SYNGR4: variants seen among roughly 807,000 people sequenced by gnomAD.
The protein encoded by SYNGR4 is synaptogyrin-4.
Under a neutral mutation model 15.5 loss-of-function variants are expected in SYNGR4, and 15 were observed. The observed-to-expected ratio is 0.97, with a 90% CI of 0.65 to 1.49. The LOEUF (loss-of-function observed/expected upper bound fraction) is 1.49. Ranked by LOEUF, SYNGR4 falls within the 40% of genes most tolerant of loss-of-function variation. SYNGR4 has a pLI of 0.00. For synonymous variants in SYNGR4, 121 were observed against 127.4 expected (o/e 0.95, Z 0.34); for missense variants, 292 against 299.3 (o/e 0.98, Z 0.18).
intron 2 of SYNGR4, among the ~76,000 whole-genome samples, chr19:48,372,516 G>A (rs1406828560): frequency 6.6e-6 from 1 of 152,008 alleles, no homozygotes; most frequent in Non-Finnish European, 1.5e-5. Context: ...CAGGCATGGT[G>A]GCGGGTGCCT....
rs192704800 is a variant in SYNGR4, at chr19:48,365,363, A to C, written c.-107-373A>C. Among the ~76,000 whole-genome samples the C allele has an allele frequency of 1.8e-3, 105 of 59,986 alleles. 2 individuals are homozygous for C. Among genetic ancestry groups the C allele is most frequent in the African/African-American group, 6.4e-4 (8 of 12,416 alleles). 39.4% of individuals were successfully genotyped at this position (59,986 alleles called of 152,430 possible). ...CAACACCTTTCCTGGGACCCCCCAG[A>C]ACCCCCATCCTATGCCTCCCACTTC... On this transcript the variant is annotated intron_variant, in intron 1 of 4. Coordinates refer to ENST00000344846, the MANE Select transcript of SYNGR4 (RefSeq NM_012451.4).
intron 3 of SYNGR4, 69 bp from the exon 4 acceptor site, chr19:48,375,544 C>G: frequency 6.4e-7 from 1 of 1,562,692 alleles, no homozygotes; most frequent in Non-Finnish European, 8.7e-7. Context: ...CCCCATCCTT[C>G]CCATGCCTCA....
chr19:48,371,215 C>T (rs1228229476), intron 2 of SYNGR4, among the ~76,000 whole-genome samples: 1 of 152,194 alleles, frequency 6.6e-6, no homozygotes, highest in African/African-American at 2.4e-5. Flanking sequence ...GCCGGGAATG[C>T]CCTTCCTCCT....
At chr19:48,368,694 T>C (rs940770153) in intron 2 of SYNGR4, among the ~76,000 whole-genome samples, 2 of 149,630 alleles carry the variant, frequency 1.3e-5, no homozygotes, top group African/African-American at 5.1e-5. Context: ...ATAGTGATTA[T>C]TATCAAAACA....
At chr19:48,366,771 T>G (rs923966303) in intron 2 of SYNGR4, among the ~76,000 whole-genome samples, 11 of 152,122 alleles carry the variant, frequency 7.2e-5, no homozygotes, top group Non-Finnish European at 1.6e-4. Flanking sequence ...CTACCTCACT[T>G]TGCACTAATT....
chr19:48,371,480 C>T lies in SYNGR4; in HGVS notation c.94-2037C>T, dbSNP rs74685681. Among the ~76,000 whole-genome samples the T allele has an allele frequency of 4.5e-4, 69 of 152,284 alleles. No individual in the cohort carries two copies. The East Asian group carries it at 0.012, about 26-fold the overall frequency. ...TTGATAGGAGCCCCCGCCCTCAAGG[C>T]GCGTGGTCCAGTGTGAGGAAGAAGA... On this transcript the variant is annotated intron_variant, in intron 2 of 4. Transcript: ENST00000344846.
Position 48,373,689 on chromosome 19 carries a change from A to G in SYNGR4, c.266A>G (p.Gln89Arg), listed in dbSNP as rs371141758. Residue 89 changes from glutamine to arginine, a missense_variant, in exon 3 of 5, where the codon CAG becomes CGG. Coordinates refer to ENST00000344846, the MANE Select transcript of SYNGR4 (RefSeq NM_012451.4). Reference sequence around the variant, plus strand: ...CTGGCCTTCCTCGTCCTGGACACACAGGAGACCCGCATTGCCGGCACCCGC... The same window carrying G: ...CTGGCCTTCCTCGTCCTGGACACACGGGAGACCCGCATTGCCGGCACCCGC... ...SCLAFLVLDT[Q>R]ETRIAGTRFK... is the part of the protein sequence containing the mutation. 1 of 1,613,938 alleles carries G rather than the reference A, an allele frequency of 6.2e-7. No homozygotes were observed. The highest frequency in any genetic ancestry group is 1.1e-5 in the South Asian group (1 of 91,062).
intron 2 of SYNGR4, among the ~76,000 whole-genome samples, chr19:48,367,558 G>A (rs930780315): frequency 5.3e-5 from 8 of 152,120 alleles, no homozygotes; most frequent in Non-Finnish European, 1.0e-4. Context: ...TCTGTGAGAT[G>A]CCAGAGCCCA....
chr19:48,373,580 C>T lies in SYNGR4; in HGVS notation c.157C>T (p.Pro53Ser). The T allele has an allele frequency of 6.2e-7, 1 of 1,613,896 alleles. No individual in the cohort carries two copies. Among genetic ancestry groups the T allele is most frequent in the South Asian group, 1.1e-5 (1 of 91,088 alleles). ...TDGYQNKMESPQLHCILNSNS... is the reference protein window; with the variant it reads ...TDGYQNKMESSQLHCILNSNS... The stretch of plus-strand genomic sequence containing the variant: ...CGGCTACCAGAACAAGATGGAGTCT[C>T]CGCAGCTCCACTGCATTCTCAACAG... The change falls in exon 3 of 5, where the codon CCG becomes TCG. Residue 53 changes from proline (P) to serine (S), a missense_variant. Transcript: ENST00000344846.
chr19:48,373,350 G>T (rs373492764), intron 2 of SYNGR4, 167 bp from the exon 3 acceptor site: 2 of 653,686 alleles, frequency 3.1e-6, no homozygotes, highest in Admixed American at 2.5e-5. Context: ...GAGCAGAGGG[G>T]ACGAGGGGCA....
intron 1 of SYNGR4, among the ~76,000 whole-genome samples, 170 bp from the exon 2 acceptor site, chr19:48,365,566 C>A (rs1433991269): frequency 6.6e-6 from 1 of 150,544 alleles, no homozygotes; most frequent in Non-Finnish European, 1.5e-5. Context: ...CCTGACAGCC[C>A]ATTCACCCCA....
At chr19:48,375,063 T>C (rs1330974833) in intron 3 of SYNGR4, among the ~76,000 whole-genome samples, 1 of 146,380 alleles carries the variant, frequency 6.8e-6, no homozygotes, top group Admixed American at 6.9e-5. Context: ...TTGCGCTCTG[T>C]CGCCCAGGCT....
chr19:48,372,246 T>C (rs1420889463), intron 2 of SYNGR4, among the ~76,000 whole-genome samples: 4 of 152,168 alleles, frequency 2.6e-5, no homozygotes, highest in African/African-American at 7.2e-5. Flanking sequence ...TTCCATTATC[T>C]GAAACACAGG....
intron 2 of SYNGR4, among the ~76,000 whole-genome samples, chr19:48,369,908 G>C (rs931639915): frequency 6.6e-6 from 1 of 152,124 alleles, no homozygotes; most frequent in African/African-American, 2.4e-5. Flanking sequence ...TCCCTCCAAG[G>C]GTTGCTGTGC....
chr19:48,373,781 AGCTGCCCCTCCTCCC>A (rs778878616), intron 3 of SYNGR4, 27 bp downstream of exon 3: 120 of 1,607,994 alleles, frequency 7.5e-5, no homozygotes, highest in Non-Finnish European at 9.6e-5. Context: ...CCCAACCCAG[AGCTGCCCCTCCTCCC>A]GCTCACAGCC....
At chr19:48,370,014 A>C (rs1970280372) in intron 2 of SYNGR4, among the ~76,000 whole-genome samples, 1 of 152,214 alleles carries the variant, frequency 6.6e-6, no homozygotes, top group Non-Finnish European at 1.5e-5. Context: ...TGTTGTTCAC[A>C]GAAGGCAATT....
At position 48,375,768 on chromosome 19, in the gene SYNGR4, T is replaced by A; in HGVS notation, c.471+16T>A. The stretch of plus-strand genomic sequence containing the variant: ...CCTTGTCTGGGTGAGGACAAGCCCC[T>A]CCACCACCCCTCCCTAGGAGGGCAC... On this transcript the variant is annotated intron_variant, in intron 4 of 4. Coordinates refer to ENST00000344846, the MANE Select transcript of SYNGR4 (RefSeq NM_012451.4). 1 of 1,606,178 alleles carries A rather than the reference T, an allele frequency of 6.2e-7. No individual in the cohort carries two copies. Among genetic ancestry groups the A allele is most frequent in the African/African-American group, 1.3e-5 (1 of 74,856 alleles).
At chr19:48,367,942 G>A (rs945572635) in intron 2 of SYNGR4, among the ~76,000 whole-genome samples, 7 of 152,190 alleles carry the variant, frequency 4.6e-5, no homozygotes, top group African/African-American at 1.7e-4. Context: ...GGTCTTAGGA[G>A]TAGGTGGAGT....
In SYNGR4 at chr19:48,365,840, G is replaced by C. The variant is rs1192667805; in HGVS notation, c.-3G>C. On this transcript the variant is annotated 5_prime_UTR_variant, in exon 2 of 5. Transcript: ENST00000344846. ...CCAGTGGCCCCAAAGGAAAACAGCT[G>C]CCATGCACATCCCCAAAAGCCTCCA... is the stretch of plus-strand genomic sequence containing the variant. The C allele has an allele frequency of 1.2e-6, 2 of 1,613,508 alleles. No homozygotes were observed. Among genetic ancestry groups the C allele is most frequent in the African/African-American group, 2.7e-5 (2 of 74,918 alleles).
Sources: gnomAD v4.1 joint callset for allele counts (sites outside exome capture counted in the v4.1 genomes callset) on GRCh38, gnomAD v4.1.1 for gene constraint, MANE v1.5 for transcripts, NCBI Gene and HGNC (gene_info 2026-07-23, HGNC 2026-07-21) for gene names.